TENM1: variants seen among roughly 807,000 people sequenced by gnomAD.
TENM1 encodes the protein teneurin-1.
In TENM1, 35 loss-of-function variants were observed where a neutral mutation model predicts 174.8. That is an observed-to-expected ratio of 0.20 (90% confidence interval 0.15 to 0.27). The LOEUF (loss-of-function observed/expected upper bound fraction) is 0.27. Among genes scored for constraint, TENM1 ranks in the 10% least tolerant of loss-of-function variants. The pLI, the probability that TENM1 is intolerant of heterozygous loss-of-function variation, is 1.00. For missense variants in TENM1, 1,633 were observed against 2,130.1 expected, an observed-to-expected ratio of 0.77 and a Z score of 4.59; for synonymous variants, 781 against 798.7, an observed-to-expected ratio of 0.98 and a Z score of 0.37.
chrX:124,956,667 G>A (rs1378436857), intron 1 of TENM1, among the ~76,000 whole-genome samples: 3 of 112,522 alleles, frequency 2.7e-5, no homozygotes, highest in African/African-American at 9.7e-5. Flanking sequence ...TACAGTCTAA[G>A]TTCTTTCAGA....
the TENM1 span, among the ~76,000 whole-genome samples, chrX:125,092,912 T>C: frequency 8.9e-6 from 1 of 112,094 alleles, no homozygotes; most frequent in Non-Finnish European, 1.9e-5. Context: ...CTATTTATTC[T>C]TAGGTTACTT....
At chrX:124,787,018 T>C (rs1013615025) in intron 3 of TENM1, among the ~76,000 whole-genome samples, 2 of 112,200 alleles carry the variant, frequency 1.8e-5, no homozygotes, top group Non-Finnish European at 3.8e-5. Context: ...ACGGGAGTCT[T>C]ATACTTTCAG....
intron 1 of TENM1, among the ~76,000 whole-genome samples, chrX:124,914,256 G>C (rs2057885385): frequency 9.0e-6 from 1 of 111,503 alleles, no homozygotes; most frequent in Non-Finnish European, 1.9e-5. Flanking sequence ...TTAATGTCTG[G>C]TAATGGAAAC....
Position 124,886,542 on chromosome X carries a change from T to TAG in TENM1, c.535+7753_535+7754insCT, listed in dbSNP as rs1193540402. The stretch of plus-strand genomic sequence containing the variant: ...ATATACATATATATATATATATATA[T>TAG]ATATATAGAGAGAGAGAGAGAGAGA... On this transcript the variant is annotated intron_variant, in intron 3 of 31. Coordinates refer to ENST00000422452, the Ensembl canonical transcript of TENM1. Among the ~76,000 whole-genome samples the TAG allele has an allele frequency of 5.7e-3, 506 of 88,606 alleles. 3 individuals carry two copies. The highest frequency in any genetic ancestry group is 0.018 in the African/African-American group (389 of 22,151). 76.9% of individuals were successfully genotyped at this position (88,606 alleles called of 115,157 possible).
At chrX:124,761,668 C>G (rs759066202) in intron 3 of TENM1, among the ~76,000 whole-genome samples, 1 of 109,818 alleles carries the variant, frequency 9.1e-6, no homozygotes, top group Non-Finnish European at 1.9e-5. Flanking sequence ...GTTGTGCACA[C>G]GTACCCTAGA....
intron 1 of TENM1, among the ~76,000 whole-genome samples, chrX:124,898,665 C>T (rs909495619): frequency 9.0e-6 from 1 of 110,854 alleles, no homozygotes; most frequent in African/African-American, 3.3e-5. Context: ...AATAAAACAC[C>T]AGATAAAGTT....
the TENM1 span, among the ~76,000 whole-genome samples, chrX:125,162,464 C>T: frequency 8.9e-6 from 1 of 111,798 alleles, no homozygotes; most frequent in Non-Finnish European, 1.9e-5. Flanking sequence ...AATCCAGGTG[C>T]TTTTTTTCAA....
chrX:124,451,818 T>A (rs1330376313), intron 23 of TENM1, among the ~76,000 whole-genome samples: 1 of 111,774 alleles, frequency 8.9e-6, no homozygotes, highest in African/African-American at 3.3e-5. Flanking sequence ...TGGCTAGCCA[T>A]ATGGAGAAAG....
At chrX:125,025,094 C>A in the TENM1 span, among the ~76,000 whole-genome samples, 1 of 111,560 alleles carries the variant, frequency 9.0e-6, no homozygotes, top group Non-Finnish European at 1.9e-5. Flanking sequence ...TATTCATTTT[C>A]TTTGGGAATA....
At chrX:124,790,200 A>G (rs2055148795) in intron 3 of TENM1, among the ~76,000 whole-genome samples, 1 of 111,770 alleles carries the variant, frequency 8.9e-6, no homozygotes, top group Non-Finnish European at 1.9e-5. Flanking sequence ...ATCTCCCACC[A>G]GGTTCCTCCC....
chrX:124,695,565 A>G (rs1445488855), intron 5 of TENM1, among the ~76,000 whole-genome samples: 2 of 111,475 alleles, frequency 1.8e-5, no homozygotes, highest in African/African-American at 6.5e-5. Flanking sequence ...TGAGGCAGTC[A>G]GTGAGTAATC....
the TENM1 span, among the ~76,000 whole-genome samples, chrX:125,158,115 A>T: frequency 9.0e-6 from 1 of 111,110 alleles, no homozygotes. Flanking sequence ...TATATATTTA[A>T]ATCACATGGC....
At chrX:124,713,699 T>C (rs1336391906) in intron 4 of TENM1, among the ~76,000 whole-genome samples, 1 of 112,364 alleles carries the variant, frequency 8.9e-6, no homozygotes, top group African/African-American at 3.2e-5. Flanking sequence ...TCTTAATTTC[T>C]AGGTACATTG....
intron 3 of TENM1, among the ~76,000 whole-genome samples, chrX:124,882,156 T>C (rs759709555): frequency 2.7e-5 from 3 of 112,730 alleles, no homozygotes; most frequent in Non-Finnish European, 5.6e-5. Context: ...CATATATTTG[T>C]ACAATTTCCA....
At chrX:124,487,222 C>T in exon 21 of TENM1, 1 of 1,166,531 alleles carries the variant, frequency 8.6e-7, no homozygotes, top group East Asian at 3.3e-5. Context: ...TGTCTGGTAT[C>T]TCTGTTTCTA....
chrX:124,823,394 T>C (rs2056084603), intron 3 of TENM1, among the ~76,000 whole-genome samples: 1 of 111,821 alleles, frequency 8.9e-6, no homozygotes, highest in African/African-American at 3.2e-5. Flanking sequence ...ACATGGGATC[T>C]TGGGCTGGGA....
chrX:124,428,172 C>T (rs1241456678), intron 23 of TENM1, among the ~76,000 whole-genome samples: 2 of 112,146 alleles, frequency 1.8e-5, no homozygotes, highest in Non-Finnish European at 3.8e-5. Context: ...TCCCAACAAC[C>T]TTCCCTGAGA....
chrX:124,639,240 T>A (rs2050952905), intron 11 of TENM1, among the ~76,000 whole-genome samples: 2 of 111,965 alleles, frequency 1.8e-5, no homozygotes, highest in South Asian at 7.5e-4. Flanking sequence ...CTATACCCAA[T>A]GGCTTGCAAG....
intron 4 of TENM1, among the ~76,000 whole-genome samples, chrX:124,713,924 A>C (rs191003471): frequency 8.9e-6 from 1 of 112,424 alleles, no homozygotes; most frequent in East Asian, 2.8e-4. Context: ...AAATAAATCA[A>C]AGAAATAGTT....
Sources: allele counts gnomAD v4.1 joint callset (sites outside exome capture counted in the v4.1 genomes callset), GRCh38; gene constraint gnomAD v4.1.1; transcripts MANE v1.5; gene names NCBI Gene and HGNC (gene_info 2026-07-23, HGNC 2026-07-21).